Variants in LRRK2 observed in about 807,000 individuals in gnomAD.
LRRK2 encodes the protein leucine rich repeat kinase 2.
A neutral mutation model predicts 302.6 loss-of-function variants in LRRK2; 203 were observed. That is an observed-to-expected ratio of 0.67 (90% CI 0.60 to 0.75). LRRK2 has a LOEUF of 0.75. LRRK2 is among the 30% of genes least tolerant of loss of function. LRRK2 has a pLI of 0.00. For missense variants in LRRK2, 2,830 were observed against 2,951.0 expected (o/e 0.96, Z 0.95); for synonymous variants, 1,066 against 1,031.9 (o/e 1.03, Z -0.63).
intron 45 of LRRK2, among the ~76,000 whole-genome samples, chr12:40,354,843 AATAT>A (rs767600189): frequency 1.6e-4 from 4 of 24,970 alleles, no homozygotes; most frequent in Admixed American, 2.6e-4. Context: ...AAAAAAAAAA[AATAT>A]ATATATATAT....
intron 48 of LRRK2, among the ~76,000 whole-genome samples, chr12:40,364,296 G>A (rs1394014343): frequency 6.6e-6 from 1 of 151,848 alleles, no homozygotes; most frequent in Non-Finnish European, 1.5e-5. Flanking sequence ...TGTTCAGAAG[G>A]GCCAACAGGT....
chr12:40,360,825 C>T (rs530427965), intron 47 of LRRK2, among the ~76,000 whole-genome samples: 1 of 152,198 alleles, frequency 6.6e-6, no homozygotes, highest in South Asian at 2.1e-4. Context: ...TTACCTTTCA[C>T]CCCCAACCTT....
intron 18 of LRRK2, among the ~76,000 whole-genome samples, chr12:40,282,691 T>C (rs1423145176): frequency 6.6e-6 from 1 of 152,142 alleles, no homozygotes; most frequent in Non-Finnish European, 1.5e-5. Flanking sequence ...GCTTTGAGGA[T>C]GGGTTGAAGG....
At chr12:40,343,624 G>T (rs918688766) in intron 41 of LRRK2, among the ~76,000 whole-genome samples, 1 of 152,132 alleles carries the variant, frequency 6.6e-6, no homozygotes, top group African/African-American at 2.4e-5. Flanking sequence ...TTGTTAAAAT[G>T]CAGGCTTCTC....
rs1245319628 is a variant in LRRK2, at chr12:40,240,484, C to T, written c.573C>T (p.Val191=). The T allele has an allele frequency of 6.8e-6, 11 of 1,612,000 alleles. No homozygotes were observed. Among genetic ancestry groups the T allele is most frequent in the African/African-American group, 1.3e-5 (1 of 74,818 alleles). ...CKALHVLFER[V]SEEQLTEFVE... The stretch of plus-strand genomic sequence containing the variant: ...AGTATTTTGTCTTTCATTTTTAAGT[C>T]TCAGAGGAGCAACTGACTGAATTTG... The change falls in exon 6 of 51, where the codon GTC becomes GTT. Residue 191 remains valine (V), a splice_region_variant and synonymous_variant. Transcript: ENST00000298910.
intron 14 of LRRK2, among the ~76,000 whole-genome samples, chr12:40,273,449 G>A (rs1001872824): frequency 1.3e-5 from 2 of 152,132 alleles, no homozygotes; most frequent in South Asian, 4.1e-4. Context: ...CTTCTCCTCA[G>A]CCTCTATAAA....
At chr12:40,240,403 A>G in intron 5 of LRRK2, 80 bp from the exon 6 acceptor site, 6 of 1,296,228 alleles carry the variant, frequency 4.6e-6, no homozygotes, top group Non-Finnish European at 6.6e-6. Context: ...ACACAACTAT[A>G]ATGAATATTG....
At chr12:40,343,520 T>C (rs955669016) in intron 41 of LRRK2, among the ~76,000 whole-genome samples, 1 of 152,228 alleles carries the variant, frequency 6.6e-6, no homozygotes, top group African/African-American at 2.4e-5. Context: ...ATAAAAGATA[T>C]GTTTCAGTAC....
chr12:40,342,573 T>C (rs1946077797), intron 41 of LRRK2, among the ~76,000 whole-genome samples: 1 of 151,404 alleles, frequency 6.6e-6, no homozygotes, highest in African/African-American at 2.4e-5. Flanking sequence ...AGCCCTAAAC[T>C]CTGCCTCCAA....
chr12:40,311,093 A>G (rs1945021754), intron 31 of LRRK2, among the ~76,000 whole-genome samples: 14 of 151,340 alleles, frequency 9.3e-5, no homozygotes, highest in Admixed American at 9.2e-4. Flanking sequence ...GGACATCTTG[A>G]TCTTTTGTGC....
intron 6 of LRRK2, 80 bp downstream of exon 6, chr12:40,240,697 ATTTT>A: frequency 7.4e-7 from 1 of 1,349,736 alleles, no homozygotes; most frequent in Non-Finnish European, 1.0e-6. Context: ...TTTTAACAAT[ATTTT>A]TATTATTTAG....
intron 50 of LRRK2, 121 bp from the exon 51 acceptor site, chr12:40,367,523 T>A: frequency 1.2e-6 from 1 of 848,702 alleles, no homozygotes. Flanking sequence ...ACATTAGTTA[T>A]AGCTGTGTTT....
At chr12:40,279,181 TTAAA>T (rs2136631071) in intron 18 of LRRK2, among the ~76,000 whole-genome samples, 1 of 84,704 alleles carries the variant, frequency 1.2e-5, no homozygotes, top group Non-Finnish European at 3.0e-5. Flanking sequence ...ATACACATTA[TTAAA>T]TAATCAATAA....
intron 16 of LRRK2, among the ~76,000 whole-genome samples, chr12:40,275,346 T>G (rs1943405115): frequency 6.6e-6 from 1 of 152,300 alleles, no homozygotes; most frequent in Admixed American, 6.5e-5. Flanking sequence ...TTATTGCAGG[T>G]TGCTTACCTT....
chr12:40,230,422 C>A (rs1353522114), intron 2 of LRRK2, among the ~76,000 whole-genome samples: 1 of 152,144 alleles, frequency 6.6e-6, no homozygotes, highest in Non-Finnish European at 1.5e-5. Flanking sequence ...ATGCATCCAG[C>A]CTTATCCCAA....
At chr12:40,234,901 T>C (rs1941379770) in intron 3 of LRRK2, among the ~76,000 whole-genome samples, 1 of 152,092 alleles carries the variant, frequency 6.6e-6, no homozygotes, top group Admixed American at 6.6e-5. Context: ...GAATATGGAG[T>C]TGGGTGAAAA....
intron 34 of LRRK2, among the ~76,000 whole-genome samples, chr12:40,320,519 T>G (rs544324992): frequency 6.6e-6 from 1 of 151,956 alleles, no homozygotes; most frequent in African/African-American, 2.4e-5. Context: ...ATTAAGCAAG[T>G]TCTGAGAAGA....
At chr12:40,365,404 G>A (rs1946845549) in intron 49 of LRRK2, 1 of 194,520 alleles carries the variant, frequency 5.1e-6, no homozygotes, top group Non-Finnish European at 1.1e-5. Flanking sequence ...TCATAGTCTA[G>A]CCTCCCAGCT....
Position 40,229,070 on chromosome 12 carries a change from A to C in LRRK2, c.238-3204A>C, listed in dbSNP as rs139392077. 1.7e-3 allele frequency among the ~76,000 whole-genome samples: 265 copies of C among 152,362 alleles called. 3 individuals are homozygous for C. Among genetic ancestry groups the C allele is most frequent in the Non-Finnish European group, 3.2e-3 (221 of 68,018 alleles). On this transcript the variant is annotated intron_variant, in intron 2 of 50. Transcript: ENST00000298910. ...TACAAATACTGTGGCCATGCTAGGT[A>C]CAATGACATCAATTTAAATTATCAT...
Sources: gnomAD v4.1 joint callset for allele counts (sites outside exome capture counted in the v4.1 genomes callset) on GRCh38, gnomAD v4.1.1 for gene constraint, MANE v1.5 for transcripts, NCBI Gene and HGNC (gene_info 2026-07-23, HGNC 2026-07-21) for gene names.